The following SNORC variants were observed in gnomAD, a reference collection of about 807,000 sequenced individuals.
SNORC encodes secondary ossification center associated regulator of chondrocyte maturation, also known as protein SNORC.
A neutral mutation model predicts 9.7 loss-of-function variants in SNORC; 11 were observed. That is an observed-to-expected ratio of 1.14 (90% confidence interval 0.72 to 1.88). The LOEUF is 1.88. Ranked by LOEUF, SNORC falls within the 40% of genes most tolerant of loss-of-function variation. The probability of loss-of-function intolerance (pLI) is 0.00; values close to 1 mark genes in which losing one functional copy is unlikely to be tolerated. For synonymous variants in SNORC, 108 were observed against 88.7 expected (o/e 1.22, Z -1.22); for missense variants, 197 against 173.1 (o/e 1.14, Z -0.77).
chr2:232,872,505 C>G (rs1309091499), intron 1 of SNORC, among the ~76,000 whole-genome samples: 1 of 152,214 alleles, frequency 6.6e-6, no homozygotes, highest in Non-Finnish European at 1.5e-5. Context: ...GCAGTGCCAC[C>G]AGCCCCTGCT....
upstream of SNORC, among the ~76,000 whole-genome samples, chr2:232,866,686 G>A (rs1308699140): frequency 1.3e-5 from 2 of 152,008 alleles, no homozygotes; most frequent in African/African-American, 4.8e-5. Flanking sequence ...CATGCACAAA[G>A]GTCTGAACAC....
chr2:232,873,537 G>A (rs1350769373), intron 1 of SNORC, among the ~76,000 whole-genome samples: 1 of 152,236 alleles, frequency 6.6e-6, no homozygotes, highest in African/African-American at 2.4e-5. Flanking sequence ...ACCCGGCTCA[G>A]CTGGGCCTGG....
At chr2:232,875,850 T>C in intron 1 of SNORC, 90 bp from the exon 2 acceptor site, 3 of 1,352,506 alleles carry the variant, frequency 2.2e-6, no homozygotes, top group Non-Finnish European at 3.0e-6. Flanking sequence ...CACACAGCGC[T>C]ACCGGCAACT....
At chr2:232,875,823 G>A (rs1691207125) in intron 1 of SNORC, 117 bp from the exon 2 acceptor site, 6 of 1,076,138 alleles carry the variant, frequency 5.6e-6, no homozygotes, top group Admixed American at 2.8e-5. Context: ...CTAGTGCAGC[G>A]CTGAGCCCAG....
chr2:232,875,744 C>T (rs1042752194), intron 1 of SNORC, 196 bp from the exon 2 acceptor site: 2 of 608,512 alleles, frequency 3.3e-6, no homozygotes, highest in Non-Finnish European at 5.6e-6. Context: ...TCCTGCCCAC[C>T]CACCGGCCCT....
upstream of SNORC, among the ~76,000 whole-genome samples, chr2:232,866,583 G>A (rs1690884197): frequency 6.6e-6 from 1 of 152,140 alleles, no homozygotes; most frequent in African/African-American, 2.4e-5. Flanking sequence ...TTTTTAGTAA[G>A]TTAAATTAGA....
chr2:232,869,431 C>T (rs559577515), upstream of SNORC, among the ~76,000 whole-genome samples: 9 of 152,230 alleles, frequency 5.9e-5, no homozygotes, highest in East Asian at 1.9e-4. Context: ...AGGGCTCAGA[C>T]GTGGGAAGTG....
chr2:232,878,391 C>A (rs372254575), downstream of SNORC: 17 of 159,670 alleles, frequency 1.1e-4, no homozygotes, highest in South Asian at 2.2e-3. Context: ...GGGCCCCCCC[C>A]ACCATGGACA....
chr2:232,870,599 T>G (rs970325193), intron 1 of SNORC, among the ~76,000 whole-genome samples, 185 bp downstream of exon 1: 1 of 152,102 alleles, frequency 6.6e-6, no homozygotes, highest in African/African-American at 2.4e-5. Context: ...GGGATGGACG[T>G]CTCAGGAAAT....
At chr2:232,870,655 G>T (rs962707818) in intron 1 of SNORC, among the ~76,000 whole-genome samples, 5 of 152,148 alleles carry the variant, frequency 3.3e-5, no homozygotes. Flanking sequence ...GGACAACTTG[G>T]GGGGCAGGCC....
chr2:232,875,709 C>G (rs1691202204), intron 1 of SNORC: 2 of 556,398 alleles, frequency 3.6e-6, no homozygotes, highest in East Asian at 3.2e-5. Flanking sequence ...TGGGGGGCAC[C>G]TCCCTTACAC....
chr2:232,870,695 G>C (rs544812071), intron 1 of SNORC, among the ~76,000 whole-genome samples: 14 of 148,306 alleles, frequency 9.4e-5, no homozygotes, highest in Non-Finnish European at 1.8e-4. Context: ...AGGGGGACAT[G>C]GGTATTGCTC....
chr2:232,875,345 AAGAGAGAG>A (rs35523521), intron 1 of SNORC: 27 of 208,818 alleles, frequency 1.3e-4, no homozygotes, highest in Non-Finnish European at 7.8e-5. Context: ...CTGTTTCAAA[AAGAGAGAG>A]AGAGAGATTA....
chr2:232,875,899 C>T, intron 1 of SNORC, 41 bp from the exon 2 acceptor site: 4 of 1,514,616 alleles, frequency 2.6e-6, no homozygotes, highest in Non-Finnish European at 3.5e-6. Flanking sequence ...CCCTGTCGGC[C>T]CCGTCACCTG....
rs376743876 is a variant in SNORC at position 232,873,209 on chromosome 2, A to G, written c.74-2731A>G. ...AGTCTGAACCCCCGTCTTACAGGTC[A>G]GGAAGGTGGATTGGGGCATGGAGCA... On this transcript the variant is annotated intron_variant, in intron 1 of 2. Transcript: ENST00000331342. Among the ~76,000 whole-genome samples the G allele has an allele frequency of 2.3e-4, 35 of 152,342 alleles. 2 individuals are homozygous for G. The East Asian group carries it at 5.6e-3, about 24-fold the overall frequency.
chr2:232,876,302 C>T lies in SNORC; in HGVS notation c.312C>T (p.Thr104=). ...TCGTGATCGCCGCCCTGCTGGCCAC[C>T]TGCGTGGTGCTGGCGCTCGTGGTCG... is the stretch of plus-strand genomic sequence containing the variant. Residue 104 remains threonine (T), a synonymous_variant, in exon 3 of 3, where the codon ACC becomes ACT. Transcript: ENST00000331342. This position sits in a 1 kb window ranked among gnomAD's most constrained non-coding sequence, Gnocchi z 6.8. 1 of 1,544,364 alleles carries T rather than the reference C, an allele frequency of 6.5e-7. No homozygotes were observed. Among genetic ancestry groups the T allele is most frequent in the Non-Finnish European group, 8.7e-7 (1 of 1,148,942 alleles).
In SNORC at chr2:232,875,905, A is replaced by G. The variant is rs762750444; in HGVS notation, c.74-35A>G. 2.0e-6 allele frequency: 3 copies of G among 1,518,848 alleles called. No homozygotes were observed. In the South Asian group the frequency reaches 3.7e-5, roughly 19 times the overall value. The allele number at this position is 1,518,848 out of a possible 1,614,324, so 94.1% of individuals were successfully genotyped here. On this transcript the variant is annotated intron_variant, in intron 1 of 2. Coordinates refer to ENST00000331342, the Ensembl canonical transcript of SNORC. Reference sequence around the variant, plus strand: ...GGGTGACGTCCCTGTCGGCCCCGTCACCTGGGGCCCCAGCACCTCTCCTTG... The same window carrying G: ...GGGTGACGTCCCTGTCGGCCCCGTCGCCTGGGGCCCCAGCACCTCTCCTTG...
At chr2:232,876,437 C>T (rs1691247414), downstream of SNORC, 2 of 1,438,406 alleles carry the variant, frequency 1.4e-6, no homozygotes, top group African/African-American at 1.5e-5. The surrounding 1 kb of genome is among the most constrained non-coding windows in gnomAD (Gnocchi z 6.8). Context: ...CGTGCGTGTC[C>T]GCGCATGCAG....
At chr2:232,876,443 TGCAGGTGTGCCAGAGCGTGAGCGCGC>T (rs1218927255), downstream of SNORC, 6 of 1,428,518 alleles carry the variant, frequency 4.2e-6, no homozygotes, top group Middle Eastern at 2.5e-4. The surrounding 1 kb of genome is among the most constrained non-coding windows in gnomAD (Gnocchi z 6.8). Flanking sequence ...TGTCCGCGCA[TGCAGGTGTGCCAGAGCGTGAGCGCGC>T]GCAGGCGAGC....
Sources: gnomAD v4.1 joint callset for allele counts (sites outside exome capture counted in the v4.1 genomes callset) on GRCh38, gnomAD v4.1.1 for gene constraint, Gnocchi (gnomAD v3.1) non-coding constraint, MANE v1.5 for transcripts, NCBI Gene and HGNC (gene_info 2026-07-23, HGNC 2026-07-21) for gene names.